USP14: variants seen among roughly 807,000 people sequenced by gnomAD.
USP14 encodes the protein ubiquitin carboxyl-terminal hydrolase 14.
Under a neutral mutation model 76.5 loss-of-function variants are expected in USP14, and 38 were observed. That is an observed-to-expected ratio of 0.50 (90% CI 0.38 to 0.65). The LOEUF is 0.65. Among genes scored for constraint, USP14 ranks in the 30% least tolerant of loss-of-function variants. The pLI is 0.00. For missense variants in USP14, 467 were observed against 586.5 expected (o/e 0.80, Z 2.10); for synonymous variants, 192 against 191.7 (o/e 1.00, Z -0.01).
At chr18:170,859 C>G (rs1055290885) in intron 3 of USP14, among the ~76,000 whole-genome samples, 1 of 151,534 alleles carries the variant, frequency 6.6e-6, no homozygotes, top group Admixed American at 6.6e-5. Flanking sequence ...GCCTGTCAGG[C>G]AGTGGGATGT....
rs1234967401 is a variant in USP14 at position 179,765 on chromosome 18, AATT to A, written c.301-470_301-468del. On this transcript the variant is annotated intron_variant, in intron 4 of 15. Coordinates refer to ENST00000261601, the MANE Select transcript of USP14 (RefSeq NM_005151.4). The stretch of plus-strand genomic sequence containing the variant: ...ATCATGCCCAGCAAATAAAAAAAAA[AATT>A]TTTTTTTTTTTTTGTAGAGATGGGG... Among the ~76,000 whole-genome samples, 5 of 148,984 alleles carry A rather than the reference AATT, an allele frequency of 3.4e-5. No individual in the cohort carries two copies. The East Asian group carries it at 9.8e-4, about 29-fold the overall frequency.
intron 5 of USP14, among the ~76,000 whole-genome samples, chr18:183,090 G>C (rs1909829288): frequency 6.6e-6 from 1 of 152,154 alleles, no homozygotes; most frequent in South Asian, 2.1e-4. Context: ...ATTGCCTGGT[G>C]AATCTTACTG....
chr18:200,253 C>A (rs1395212203), intron 10 of USP14, among the ~76,000 whole-genome samples: 1 of 152,156 alleles, frequency 6.6e-6, no homozygotes, highest in Non-Finnish European at 1.5e-5. Context: ...ATCTAAGCTA[C>A]TGTTTTCTTA....
intron 2 of USP14, among the ~76,000 whole-genome samples, chr18:165,476 A>G (rs1215879305): frequency 6.6e-6 from 1 of 152,220 alleles, no homozygotes; most frequent in Non-Finnish European, 1.5e-5. Flanking sequence ...TACTAGTGGT[A>G]TGCTGTCGAG....
At chr18:180,621 T>A (rs1427097802) in intron 5 of USP14, among the ~76,000 whole-genome samples, 1 of 152,224 alleles carries the variant, frequency 6.6e-6, no homozygotes, top group Non-Finnish European at 1.5e-5. Context: ...ACCGTTCATC[T>A]ACTTTCTGTC....
intron 10 of USP14, 75 bp downstream of exon 10, chr18:199,391 G>A (rs1016970139): frequency 7.0e-6 from 7 of 999,630 alleles, no homozygotes; most frequent in Non-Finnish European, 1.1e-5. Context: ...ATTATTCACT[G>A]GGCTTTAATG....
At chr18:198,268 G>A (rs562781673) in intron 9 of USP14, 136 bp downstream of exon 9, 13 of 692,852 alleles carry the variant, frequency 1.9e-5, no homozygotes, top group African/African-American at 7.2e-5. Context: ...ACGGAGTTTC[G>A]CTCTTGTCGC....
chr18:170,765 C>T (rs1029917388), intron 3 of USP14, among the ~76,000 whole-genome samples: 1 of 151,800 alleles, frequency 6.6e-6, no homozygotes, highest in Non-Finnish European at 1.5e-5. Flanking sequence ...GAACAGAAAA[C>T]CGAACACCGC....
At chr18:196,899 C>T in intron 7 of USP14, 132 bp downstream of exon 7, 1 of 1,174,144 alleles carries the variant, frequency 8.5e-7, no homozygotes, top group South Asian at 1.5e-5. Flanking sequence ...TGTCTCTTGC[C>T]TGGAGCCGCA....
chr18:197,826 T>C, intron 8 of USP14, 130 bp downstream of exon 8: 1 of 728,510 alleles, frequency 1.4e-6, no homozygotes, highest in Non-Finnish European at 2.1e-6. Context: ...CTTTAGATGC[T>C]CAATCTGTAG....
At chr18:204,774 T>C in intron 13 of USP14, 82 bp downstream of exon 13, 2 of 1,515,852 alleles carry the variant, frequency 1.3e-6, no homozygotes, top group Non-Finnish European at 1.8e-6. Context: ...TTTTTTTTCC[T>C]GCTTCATTTT....
chr18:179,948 A>G (rs779170072), intron 4 of USP14, among the ~76,000 whole-genome samples: 1 of 151,814 alleles, frequency 6.6e-6, no homozygotes, highest in Non-Finnish European at 1.5e-5. Context: ...TATTTTGCCT[A>G]TTCTCTTCTC....
At chr18:195,009 T>C (rs919079778) in intron 6 of USP14, among the ~76,000 whole-genome samples, 1 of 152,180 alleles carries the variant, frequency 6.6e-6, no homozygotes, top group African/African-American at 2.4e-5. Flanking sequence ...TTTTGCCAAC[T>C]GTCCTAGTAT....
rs538206350 is a variant in USP14, at chr18:210,292, G to A, written c.1226-94G>A. The A allele has an allele frequency of 5.7e-5, 53 of 929,410 alleles. No individual in the cohort carries two copies. The East Asian group carries it at 8.8e-4, about 15-fold the overall frequency. 57.6% of individuals were successfully genotyped at this position (929,410 alleles called of 1,614,324 possible). On this transcript the variant is annotated intron_variant, in intron 14 of 15. Coordinates refer to ENST00000261601, the MANE Select transcript of USP14 (RefSeq NM_005151.4). Reference sequence around the variant, plus strand: ...CTTATTGGATTCTGATAATACTTTCGTAATGTGAACTTTAGAGTTATTCTT... The same window carrying A: ...CTTATTGGATTCTGATAATACTTTCATAATGTGAACTTTAGAGTTATTCTT...
At chr18:196,991 G>A (rs1910255416) in intron 7 of USP14, among the ~76,000 whole-genome samples, 1 of 152,122 alleles carries the variant, frequency 6.6e-6, no homozygotes, top group African/African-American at 2.4e-5. Flanking sequence ...TTTTTAAAAT[G>A]ACGATAGGAT....
intron 10 of USP14, among the ~76,000 whole-genome samples, chr18:200,986 A>G (rs947495529): frequency 1.3e-5 from 2 of 151,998 alleles, no homozygotes; most frequent in Non-Finnish European, 2.9e-5. Context: ...TATTTTTGAT[A>G]GAGACAGGGT....
chr18:204,585 T>C lies in USP14; in HGVS notation c.1057T>C (p.Leu353=), dbSNP rs1433015862. 1.9e-6 allele frequency: 3 copies of C among 1,601,342 alleles called. No individual in the cohort carries two copies. The highest frequency in any genetic ancestry group is 2.6e-6 in the Non-Finnish European group (3 of 1,176,246). Residue 353 remains leucine, a synonymous_variant, in exon 13 of 16, where the codon TTG becomes CTG. Transcript: ENST00000261601. ...VLKDVKFPLM[L]DMYELCTPEL... The stretch of plus-strand genomic sequence containing the variant: ...ATAGGATGTTAAATTTCCTCTTATG[T>C]TGGATATGTATGAACTGTGTACACC...
chr18:211,063 T>C, intron 15 of USP14, 70 bp from the exon 16 acceptor site: 1 of 1,505,240 alleles, frequency 6.6e-7, no homozygotes. Flanking sequence ...GACTTGATAC[T>C]TTTTTTGCAG....
chr18:171,025 A>ATATATATATATATAGATATATAT lies in USP14; in HGVS notation c.195+4206_195+4207insTATATATATATATAGATATATAT, dbSNP rs1555762344. 1.7e-4 allele frequency among the ~76,000 whole-genome samples: 8 copies of ATATATATATATATAGATATATAT among 47,652 alleles called. No individual in the cohort carries two copies. In the East Asian group the frequency reaches 7.4e-3, roughly 44 times the overall value. 31.3% of individuals were successfully genotyped at this position (47,652 alleles called of 152,430 possible). On this transcript the variant is annotated intron_variant, in intron 3 of 15. Transcript: ENST00000261601. ...CCTGGAACTTAAAAAAAAAAAAAAA[A>ATATATATATATATAGATATATAT]ATATATATATATATATATATATATA... is the stretch of plus-strand genomic sequence containing the variant.
Sources: allele counts gnomAD v4.1 joint callset (sites outside exome capture counted in the v4.1 genomes callset), GRCh38; gene constraint gnomAD v4.1.1; transcripts MANE v1.5; gene names NCBI Gene and HGNC (gene_info 2026-07-23, HGNC 2026-07-21).